Variants in NYAP2 observed in about 807,000 individuals in gnomAD.
NYAP2 encodes neuronal tyrosine-phosphorylated phosphoinositide-3-kinase adaptor 2.
A neutral mutation model predicts 50.4 loss-of-function variants in NYAP2; 23 were observed. The observed-to-expected ratio is 0.46, with a 90% CI of 0.33 to 0.65. The LOEUF is 0.65. NYAP2 is among the 30% of genes least tolerant of loss of function. The pLI is 0.02. For synonymous variants in NYAP2, 394 were observed against 365.2 expected (o/e 1.08, Z -0.90); for missense variants, 885 against 861.0 (o/e 1.03, Z -0.35).
At position 225,520,180 on chromosome 2, in the gene NYAP2, T is replaced by C. The variant is rs998449999; in HGVS notation, c.523+6508T>C. Among the ~76,000 whole-genome samples, 15 of 152,376 alleles carry C rather than the reference T, an allele frequency of 9.8e-5. 1 individual carries two copies. The highest frequency in any genetic ancestry group is 3.4e-4 in the African/African-American group (14 of 41,598). ...GTAGATTCTGGATATTAGCCTTTTG[T>C]CAGATGAGTAGGTTGCAAAAATTTT... On this transcript the variant is annotated intron_variant, in intron 4 of 6. Coordinates refer to ENST00000636099, the Ensembl canonical transcript of NYAP2.
At chr2:225,544,400 T>C (rs1325023907) in intron 4 of NYAP2, among the ~76,000 whole-genome samples, 1 of 152,064 alleles carries the variant, frequency 6.6e-6, no homozygotes, top group East Asian at 1.9e-4. Flanking sequence ...TAGGATTAAA[T>C]TTCTTGCTTT....
At chr2:225,459,496 A>C (rs2106152857) in intron 3 of NYAP2, among the ~76,000 whole-genome samples, 1 of 152,332 alleles carries the variant, frequency 6.6e-6, no homozygotes, top group African/African-American at 2.4e-5. Context: ...CTGCAGACTA[A>C]CTTAAGCTTC....
At chr2:225,657,102 C>CTTTTTTTT (rs375126014), downstream of NYAP2, among the ~76,000 whole-genome samples, 1 of 101,072 alleles carries the variant, frequency 9.9e-6, no homozygotes, top group Non-Finnish European at 1.9e-5. Flanking sequence ...AATCTAATTC[C>CTTTTTTTT]TTTTTTTTTT....
chr2:225,539,098 T>C (rs1691410628), intron 4 of NYAP2, among the ~76,000 whole-genome samples: 1 of 152,102 alleles, frequency 6.6e-6, no homozygotes, highest in Admixed American at 6.5e-5. Flanking sequence ...ATGTGGTGTT[T>C]AGTTTTCTGT....
chr2:225,447,632 T>G (rs1331437760), intron 3 of NYAP2, among the ~76,000 whole-genome samples: 1 of 152,128 alleles, frequency 6.6e-6, no homozygotes, highest in Non-Finnish European at 1.5e-5. Context: ...TTCTTTAAAT[T>G]AATATAGAAT....
chr2:225,578,927 C>A (rs2106227046), intron 4 of NYAP2, among the ~76,000 whole-genome samples: 1 of 152,200 alleles, frequency 6.6e-6, no homozygotes, highest in South Asian at 2.1e-4. Context: ...GCTAAACATT[C>A]AAAATCAAGA....
intron 4 of NYAP2, among the ~76,000 whole-genome samples, chr2:225,537,934 G>A (rs1447653896): frequency 6.6e-6 from 1 of 152,134 alleles, no homozygotes; most frequent in Non-Finnish European, 1.5e-5. Context: ...AAAACAAAGT[G>A]GCTACAGGCC....
chr2:225,542,870 A>G (rs1422940175), intron 4 of NYAP2, among the ~76,000 whole-genome samples: 18 of 152,106 alleles, frequency 1.2e-4, no homozygotes, highest in Admixed American at 1.2e-3. Flanking sequence ...GTTTGGTAGA[A>G]TTCAGCAATA....
In NYAP2 at chr2:225,412,219, A is replaced by T. The variant is rs1384083485; in HGVS notation, c.221+3118A>T. Reference sequence around the variant, plus strand: ...TGATCCGCCTGCCTCAGCCTCCCAAAGTGCTGGGATTACAGGCGTGAGCCA... The same window carrying T: ...TGATCCGCCTGCCTCAGCCTCCCAATGTGCTGGGATTACAGGCGTGAGCCA... On this transcript the variant is annotated intron_variant, in intron 3 of 6. Transcript: ENST00000636099. Among the ~76,000 whole-genome samples, 3 of 125,132 alleles carry T rather than the reference A, an allele frequency of 2.4e-5. No homozygotes were observed. In the East Asian group the frequency reaches 7.5e-4, roughly 31 times the overall value. 82.1% of individuals were successfully genotyped at this position (125,132 alleles called of 152,430 possible). A position where few individuals can be genotyped will look rare whatever the true frequency, so the allele number is the denominator to read the frequency against.
intron 2 of NYAP2, among the ~76,000 whole-genome samples, chr2:225,407,926 GATA>G (rs1172102740): frequency 6.6e-6 from 1 of 151,828 alleles, no homozygotes; most frequent in Non-Finnish European, 1.5e-5. Context: ...ACTTTTTAAT[GATA>G]ATATTAGCTA....
rs1455851924 is a variant in NYAP2, at chr2:225,409,015, G to A, written c.135G>A (p.Glu45=). 5 of 1,612,508 alleles carry A rather than the reference G, an allele frequency of 3.1e-6. No homozygotes were observed. The South Asian group carries it at 4.4e-5, about 14-fold the overall frequency. Residue 45 remains glutamate (E), a synonymous_variant, in exon 3 of 7, where the codon GAG becomes GAA. Transcript: ENST00000636099. ...AGAATGCGTCAGATATTGCTCGAGA[G>A]AATGATCGCTTGAGAAATGAAACTA...
At chr2:225,412,922 A>C (rs7423138) in intron 3 of NYAP2, among the ~76,000 whole-genome samples, 127,359 of 152,074 alleles carry the variant, frequency 0.84, 53,859 homozygotes, top group African/African-American at 0.94. Context: ...CAGCAGGAAC[A>C]CTGACCAGGT....
intron 3 of NYAP2, among the ~76,000 whole-genome samples, chr2:225,465,515 G>A (rs1689902436): frequency 6.6e-6 from 1 of 152,062 alleles, no homozygotes; most frequent in East Asian, 1.9e-4. Flanking sequence ...AGGAGTTTGA[G>A]ACCAGTCTAG....
chr2:225,506,883 C>G (rs1312205887), intron 3 of NYAP2, among the ~76,000 whole-genome samples: 2 of 151,844 alleles, frequency 1.3e-5, no homozygotes, highest in Admixed American at 1.3e-4. Flanking sequence ...TTGAATGTGC[C>G]CTTTCCCTGA....
At chr2:225,670,985 T>C in the NYAP2 span, among the ~76,000 whole-genome samples, 4 of 152,150 alleles carry the variant, frequency 2.6e-5, no homozygotes, top group African/African-American at 7.2e-5. Flanking sequence ...TGAGCCTGCA[T>C]CAAGTCCTAT....
chr2:225,537,112 A>G (rs1691365652), intron 4 of NYAP2, among the ~76,000 whole-genome samples: 2 of 151,918 alleles, frequency 1.3e-5, no homozygotes, highest in Admixed American at 6.6e-5. Flanking sequence ...TTTGTACCCA[A>G]TAACCATGCC....
At position 225,550,469 on chromosome 2, in the gene NYAP2, G is replaced by A. The variant is rs144368107; in HGVS notation, c.524-31472G>A. Among the ~76,000 whole-genome samples, 288 of 152,312 alleles carry A rather than the reference G, an allele frequency of 1.9e-3. 1 individual carries two copies. The highest frequency in any genetic ancestry group is 6.6e-3 in the African/African-American group (275 of 41,588). On this transcript the variant is annotated intron_variant, in intron 4 of 6. Transcript: ENST00000636099. ...TGATCAGGGAAAAATAATCTCAGAC[G>A]TGGTGGAGGCGTAAGCCAAATTGGG...
chr2:225,635,811 T>C (rs1233574266), intron 6 of NYAP2, among the ~76,000 whole-genome samples: 1 of 152,156 alleles, frequency 6.6e-6, no homozygotes, highest in Non-Finnish European at 1.5e-5. Flanking sequence ...AGTTATCAAA[T>C]AAGTAATCCT....
intron 5 of NYAP2, among the ~76,000 whole-genome samples, chr2:225,622,533 CTTTCTTTCTTTCTTTCTTTCTTTCTT>C (rs1261144434): frequency 0.058 from 3,128 of 54,140 alleles, 93 homozygotes; most frequent in South Asian, 0.14. Flanking sequence ...TTCTTTCTTT[CTTTCTTTCTTTCTTTCTTTCTTTCTT>C]TTTCTTTCTT....
Sources: allele counts gnomAD v4.1 joint callset (sites outside exome capture counted in the v4.1 genomes callset), GRCh38; gene constraint gnomAD v4.1.1; transcripts MANE v1.5; gene names NCBI Gene and HGNC (gene_info 2026-07-23, HGNC 2026-07-21).